The following ZBTB10 variants were observed in gnomAD, a reference collection of about 807,000 sequenced individuals.
The protein encoded by ZBTB10 is zinc finger and BTB domain-containing protein 10.
In ZBTB10, 32 loss-of-function variants were observed where a neutral mutation model predicts 76.4. That is an observed-to-expected ratio of 0.42 (90% CI 0.32 to 0.56). The LOEUF (loss-of-function observed/expected upper bound fraction) is 0.56, where lower values mean the gene tolerates loss of function less well. Among genes scored for constraint, ZBTB10 ranks in the 20% least tolerant of loss-of-function variants. ZBTB10 has a pLI of 0.14. For synonymous variants in ZBTB10, 523 were observed against 432.9 expected (o/e 1.21, Z -2.58); for missense variants, 1,057 against 1,098.5 (o/e 0.96, Z 0.53).
In ZBTB10 at chr8:80,499,971, C is replaced by G; in HGVS notation, c.1450C>G (p.Pro484Ala). Residue 484 changes from proline (P) to alanine (A), a missense_variant, in exon 2 of 6, where the codon CCA becomes GCA. This residue lies in a region of ZBTB10 where 306 missense variants were observed against 297.5 expected (regional missense o/e 1.03). Transcript: ENST00000455036. ...AGTTGTGGACTATAATAATAGAAAA[C>G]CAGTTAATAGAGATGGTCTGTCTTC... is the stretch of plus-strand genomic sequence containing the variant. ...SVVVDYNNRK[P>A]VNRDGLSSSR... 1 of 1,613,782 alleles carries G rather than the reference C, an allele frequency of 6.2e-7. No individual in the cohort carries two copies. Among genetic ancestry groups the G allele is most frequent in the East Asian group, 2.2e-5 (1 of 44,878 alleles).
chr8:80,516,616 G>A (rs1359944159), intron 3 of ZBTB10, among the ~76,000 whole-genome samples: 3 of 152,188 alleles, frequency 2.0e-5, no homozygotes, highest in African/African-American at 7.2e-5. Context: ...GCTATAATGA[G>A]TTATAGTTGA....
At chr8:80,496,581 A>C (rs1815789030) in intron 1 of ZBTB10, among the ~76,000 whole-genome samples, 1 of 152,134 alleles carries the variant, frequency 6.6e-6, no homozygotes, top group Non-Finnish European at 1.5e-5. Context: ...ATGGGCAGAT[A>C]TTTTGGTGGA....
intron 2 of ZBTB10, 88 bp from the exon 3 acceptor site, chr8:80,513,815 CTTTTTAT>C: frequency 2.0e-6 from 2 of 976,538 alleles, no homozygotes; most frequent in Non-Finnish European, 3.2e-6. Context: ...ACAGATGGTA[CTTTTTAT>C]TTAAGAAACA....
At chr8:80,506,789 A>T (rs761613418) in intron 2 of ZBTB10, among the ~76,000 whole-genome samples, 6 of 152,190 alleles carry the variant, frequency 3.9e-5, no homozygotes, top group Non-Finnish European at 7.3e-5. Context: ...GGTCTCACGT[A>T]ACAGATTTAT....
chr8:80,515,972 G>A (rs2131515058), intron 3 of ZBTB10, among the ~76,000 whole-genome samples: 1 of 152,220 alleles, frequency 6.6e-6, no homozygotes, highest in South Asian at 2.1e-4. Flanking sequence ...AGAAATTTGG[G>A]GCAAGGTTTA....
chr8:80,507,176 C>T (rs1388331370), intron 2 of ZBTB10, among the ~76,000 whole-genome samples: 2 of 151,452 alleles, frequency 1.3e-5, no homozygotes, highest in Non-Finnish European at 2.9e-5. Context: ...GGTGTGGTGG[C>T]GCGCGCCTGT....
At position 80,519,541 on chromosome 8, in the gene ZBTB10, ACTC is replaced by A. The variant is rs770281124; in HGVS notation, c.*17_*19del. 6.3e-7 allele frequency: 1 copy of A among 1,597,768 alleles called. No individual in the cohort carries two copies. Among genetic ancestry groups the A allele is most frequent in the Non-Finnish European group, 8.5e-7 (1 of 1,171,410 alleles). On this transcript the variant is annotated 3_prime_UTR_variant, in exon 6 of 6. Coordinates refer to ENST00000455036, the MANE Select transcript of ZBTB10 (RefSeq NM_001105539.3). ...TCTAGATGATTAACTGACCTACTAT[ACTC>A]CTCAAGGATGCTGCATTTGGACCTA...
At position 80,519,669 on chromosome 8, in the gene ZBTB10, C is replaced by A; in HGVS notation, c.*141C>A. ...GCTGTGAAAACTGTAGGGTCAAAGC[C>A]TTATAGCAAAAAAAATTTTTTTTTA... On this transcript the variant is annotated 3_prime_UTR_variant, in exon 6 of 6. Transcript: ENST00000455036. The A allele has an allele frequency of 9.4e-7, 1 of 1,062,030 alleles. No individual in the cohort carries two copies. The highest frequency in any genetic ancestry group is 1.3e-6 in the Non-Finnish European group (1 of 761,288). 65.8% of individuals were successfully genotyped at this position (1,062,030 alleles called of 1,614,324 possible). A position where few individuals can be genotyped will look rare whatever the true frequency, so the allele number is the denominator to read the frequency against.
At chr8:80,509,657 T>G (rs1214849720) in intron 2 of ZBTB10, among the ~76,000 whole-genome samples, 1 of 152,208 alleles carries the variant, frequency 6.6e-6, no homozygotes, top group Non-Finnish European at 1.5e-5. Context: ...CTCAATATTT[T>G]CATTTACTAA....
chr8:80,493,205 G>GCACA lies in ZBTB10; in HGVS notation c.972+5424_972+5425insACAC, dbSNP rs1475902734. On this transcript the variant is annotated intron_variant, in intron 1 of 5. Transcript: ENST00000455036. Reference sequence around the variant, plus strand: ...ACTGTGCCTCAAAACGCGCGCGCGCGCGCACACACACACACACACACACAC... The same window carrying GCACA: ...ACTGTGCCTCAAAACGCGCGCGCGCGCACACGCACACACACACACACACACACAC... 2.7e-3 allele frequency among the ~76,000 whole-genome samples: 267 copies of GCACA among 98,422 alleles called. 3 individuals carry two copies. The highest frequency in any genetic ancestry group is 3.2e-3 in the Non-Finnish European group (143 of 44,892). 64.6% of individuals were successfully genotyped at this position (98,422 alleles called of 152,430 possible).
chr8:80,517,974 T>C (rs1816371361), intron 3 of ZBTB10, among the ~76,000 whole-genome samples: 1 of 139,676 alleles, frequency 7.2e-6, no homozygotes, highest in African/African-American at 2.8e-5. Flanking sequence ...CGGGCTCAAA[T>C]GATCTTCCCC....
chr8:80,500,511 G>A lies in ZBTB10; in HGVS notation c.1861+129G>A, dbSNP rs1292766460. ...ACTAAAGTTGTTTACAAAAGAAGGGGGAACGTCATTCAAATGCATAACATA... is the reference window on the plus strand; with the variant it reads ...ACTAAAGTTGTTTACAAAAGAAGGGAGAACGTCATTCAAATGCATAACATA... On this transcript the variant is annotated intron_variant, in intron 2 of 5. Transcript: ENST00000455036. The A allele has an allele frequency of 5.3e-6, 5 of 944,004 alleles. No homozygotes were observed. In the East Asian group the frequency reaches 8.4e-5, roughly 16 times the overall value. The allele number at this position is 944,004 out of a possible 1,614,324, so 58.5% of individuals were successfully genotyped here. A position where few individuals can be genotyped will look rare whatever the true frequency, so the allele number is the denominator to read the frequency against.
Position 80,521,454 on chromosome 8 carries a change from C to CT in ZBTB10, c.*1929dup, listed in dbSNP as rs1364581626. 6.6e-6 allele frequency: 1 copy of CT among 151,614 alleles called. No individual in the cohort carries two copies. The highest frequency in any genetic ancestry group is 1.5e-5 in the Non-Finnish European group (1 of 67,696). 9.4% of individuals were successfully genotyped at this position (151,614 alleles called of 1,614,324 possible). ...ATATGTAAGTATAGTATAAAGATTT[C>CT]TTTCATCCCATTTATCCCCTTCCTT... On this transcript the variant is annotated 3_prime_UTR_variant, in exon 6 of 6. Coordinates refer to ENST00000455036, the MANE Select transcript of ZBTB10 (RefSeq NM_001105539.3).
intron 2 of ZBTB10, among the ~76,000 whole-genome samples, chr8:80,512,888 C>T (rs1217221607): frequency 6.6e-6 from 1 of 152,092 alleles, no homozygotes; most frequent in Admixed American, 6.5e-5. Context: ...CCCACCTACT[C>T]ACCAGTATCG....
chr8:80,517,891 T>TTC (rs1816368000), intron 3 of ZBTB10, among the ~76,000 whole-genome samples: 1 of 144,800 alleles, frequency 6.9e-6, no homozygotes, highest in African/African-American at 2.7e-5. Flanking sequence ...TTTTTTTTTT[T>TTC]TTTTTGAGAC....
In ZBTB10 at chr8:80,487,683, G is replaced by A; in HGVS notation, c.873G>A (p.Gly291=). ...DGGSVDLPPV[G]HDELSRGTRN... is the part of the protein sequence containing the mutation. ...GAAGCGTGGACCTTCCCCCAGTGGG[G>A]CATGATGAGCTTTCGCGAGGGACCC... The change falls in exon 1 of 6, where the codon GGG becomes GGA. Residue 291 remains glycine (G), a synonymous_variant. Coordinates refer to ENST00000455036, the MANE Select transcript of ZBTB10 (RefSeq NM_001105539.3). The A allele has an allele frequency of 1.2e-6, 2 of 1,613,936 alleles. No homozygotes were observed. The highest frequency in any genetic ancestry group is 1.7e-6 in the Non-Finnish European group (2 of 1,179,872).
intron 1 of ZBTB10, among the ~76,000 whole-genome samples, chr8:80,488,138 A>G (rs1815529959): frequency 6.6e-6 from 1 of 152,194 alleles, no homozygotes; most frequent in Non-Finnish European, 1.5e-5. Context: ...ATTAGCTGTG[A>G]TTTTAGAGAA....
rs1313052575 is a variant in ZBTB10, at chr8:80,487,009, G to A, written c.199G>A (p.Val67Met). Residue 67 changes from valine (V) to methionine (M), a missense_variant, in exon 1 of 6, where the codon GTG (valine) becomes ATG (methionine). Coordinates refer to ENST00000455036, the MANE Select transcript of ZBTB10 (RefSeq NM_001105539.3). Reference protein sequence around the residue: ...PPNGRGADEEVELEGLEPQDL... With the variant: ...PPNGRGADEEMELEGLEPQDL... ...TAATGGGCGGGGGGCCGACGAGGAAGTGGAATTGGAGGGCCTGGAGCCCCA... is the reference window on the plus strand; with the variant it reads ...TAATGGGCGGGGGGCCGACGAGGAAATGGAATTGGAGGGCCTGGAGCCCCA... The A allele has an allele frequency of 1.3e-6, 2 of 1,513,914 alleles. No homozygotes were observed. Among genetic ancestry groups the A allele is most frequent in the African/African-American group, 2.9e-5 (2 of 69,184 alleles). The allele number at this position is 1,513,914 out of a possible 1,614,324, so 93.8% of individuals were successfully genotyped here. A position where few individuals can be genotyped will look rare whatever the true frequency, so the allele number is the denominator to read the frequency against.
In ZBTB10 at chr8:80,486,278, C is replaced by T; in HGVS notation, c.-533C>T. On this transcript the variant is annotated 5_prime_UTR_variant, in exon 1 of 6. Transcript: ENST00000455036. ...TGGTCGGACGGAAACGCTCCGCCGG[C>T]TTTATTGTCGCTTCGTTATGTGGCG... 1 of 1,016,230 alleles carries T rather than the reference C, an allele frequency of 9.8e-7. No individual in the cohort carries two copies. The allele number at this position is 1,016,230 out of a possible 1,614,324, so 63.0% of individuals were successfully genotyped here.
Sources: allele counts gnomAD v4.1 joint callset (sites outside exome capture counted in the v4.1 genomes callset), GRCh38; gene constraint gnomAD v4.1.1; regional missense constraint gnomAD v4.1.1; transcripts MANE v1.5; gene names NCBI Gene and HGNC (gene_info 2026-07-23, HGNC 2026-07-21).